Variants in NSMCE2 observed in about 807,000 individuals in gnomAD.
The protein encoded by NSMCE2 is E3 SUMO-protein ligase NSE2.
NSMCE2 carries 24 observed loss-of-function variants against 23.8 expected under a neutral mutation model. That is an observed-to-expected ratio of 1.01 (90% CI 0.73 to 1.42). The LOEUF (loss-of-function observed/expected upper bound fraction) is 1.42, where lower values mean the gene tolerates loss of function less well. NSMCE2 is among the 40% of genes most tolerant of loss of function. NSMCE2 has a pLI of 0.00. For missense variants in NSMCE2, 284 were observed against 296.5 expected (o/e 0.96, Z 0.31); for synonymous variants, 92 against 94.1 (o/e 0.98, Z 0.13).
intron 3 of NSMCE2, chr8:125,130,098 C>CTT: frequency 1.9e-5 from 6 of 315,056 alleles, no homozygotes; most frequent in South Asian, 5.2e-5. Context: ...GTTGGTTTCG[C>CTT]TTTTTTTTTT....
intron 3 of NSMCE2, among the ~76,000 whole-genome samples, chr8:125,115,298 C>T (rs1458515620): frequency 6.6e-6 from 1 of 152,160 alleles, no homozygotes; most frequent in Non-Finnish European, 1.5e-5. Flanking sequence ...GCATATCTGA[C>T]ATTGAAGCAA....
At chr8:125,111,476 A>G (rs1282771130) in intron 3 of NSMCE2, among the ~76,000 whole-genome samples, 6 of 152,210 alleles carry the variant, frequency 3.9e-5, no homozygotes, top group Admixed American at 2.6e-4. Context: ...TGAAAAAGGG[A>G]TAAGCATTTT....
intron 5 of NSMCE2, among the ~76,000 whole-genome samples, chr8:125,290,716 G>T (rs964132434): frequency 6.6e-6 from 1 of 152,148 alleles, no homozygotes; most frequent in African/African-American, 2.4e-5. Flanking sequence ...CACAAATATG[G>T]TTGCCATGGC....
At chr8:125,215,319 A>T (rs1824531215) in intron 5 of NSMCE2, among the ~76,000 whole-genome samples, 1 of 149,382 alleles carries the variant, frequency 6.7e-6, no homozygotes, top group African/African-American at 2.5e-5. Context: ...GCGATAGTTT[A>T]CTGAGAATGA....
intron 5 of NSMCE2, among the ~76,000 whole-genome samples, chr8:125,250,488 A>G (rs1826159598): frequency 6.6e-6 from 1 of 152,136 alleles, no homozygotes; most frequent in Admixed American, 6.5e-5. Context: ...CTGTTTCCTT[A>G]CTGTAAGTAA....
intron 4 of NSMCE2, among the ~76,000 whole-genome samples, chr8:125,175,448 TCA>T (rs1404871339): frequency 6.6e-6 from 1 of 152,230 alleles, no homozygotes; most frequent in East Asian, 1.9e-4. Context: ...AAACTGCTTA[TCA>T]CTAGTATGTG....
intron 5 of NSMCE2, among the ~76,000 whole-genome samples, chr8:125,194,492 T>C (rs2130838024): frequency 6.6e-6 from 1 of 152,312 alleles, no homozygotes; most frequent in African/African-American, 2.4e-5. Context: ...TTTATTCATT[T>C]ACCAGTTGAA....
intron 7 of NSMCE2, among the ~76,000 whole-genome samples, chr8:125,358,161 C>T (rs1230098550): frequency 6.6e-6 from 1 of 151,912 alleles, no homozygotes; most frequent in Admixed American, 6.6e-5. Context: ...GGTGAAACCC[C>T]ATCTCTACTA....
At chr8:125,241,854 A>T (rs996762096) in intron 5 of NSMCE2, among the ~76,000 whole-genome samples, 2 of 152,180 alleles carry the variant, frequency 1.3e-5, no homozygotes, top group Non-Finnish European at 2.9e-5. Context: ...ATTCTGTTAG[A>T]TATGGTGGGG....
chr8:125,313,022 GTGCAGCAAACCAC>G (rs1465750717), intron 5 of NSMCE2, among the ~76,000 whole-genome samples: 1 of 151,602 alleles, frequency 6.6e-6, no homozygotes, highest in Non-Finnish European at 1.5e-5. Context: ...GTCAGTAGGT[GTGCAGCAAACCAC>G]CATGGCACAT....
intron 5 of NSMCE2, among the ~76,000 whole-genome samples, chr8:125,188,049 CAT>C (rs918159720): frequency 6.6e-6 from 1 of 152,036 alleles, no homozygotes; most frequent in African/African-American, 2.4e-5. Flanking sequence ...CATATAGAGA[CAT>C]AGGAATTCAC....
Position 125,314,078 on chromosome 8 carries a change from G to A in NSMCE2, c.419-43141G>A, listed in dbSNP as rs541135204. ...TCAAATAGGATAGCAAACGTGCAGA[G>A]ATGTGAATTGAATGAATGTAGGAGA... On this transcript the variant is annotated intron_variant, in intron 5 of 7. Transcript: ENST00000287437. Among the ~76,000 whole-genome samples the A allele has an allele frequency of 3.9e-5, 6 of 152,316 alleles. No homozygotes were observed. The Middle Eastern group carries it at 0.01, about 259-fold the overall frequency.
intron 5 of NSMCE2, among the ~76,000 whole-genome samples, chr8:125,250,699 G>A (rs1323929676): frequency 6.6e-6 from 1 of 152,076 alleles, no homozygotes; most frequent in Non-Finnish European, 1.5e-5. Flanking sequence ...CACTCAAGCT[G>A]GAGTGCAGTG....
chr8:125,325,395 G>A (rs1829626403), intron 5 of NSMCE2, among the ~76,000 whole-genome samples: 1 of 152,246 alleles, frequency 6.6e-6, no homozygotes, highest in African/African-American at 2.4e-5. Flanking sequence ...CTGTCACCCA[G>A]GTTGGAGTGC....
chr8:125,201,649 A>T (rs57905807), intron 5 of NSMCE2, among the ~76,000 whole-genome samples: 1 of 152,192 alleles, frequency 6.6e-6, no homozygotes, highest in Non-Finnish European at 1.5e-5. Flanking sequence ...CACAGCGCTC[A>T]GGGACCCACT....
At chr8:125,211,321 T>A (rs1824331108) in intron 5 of NSMCE2, among the ~76,000 whole-genome samples, 1 of 152,230 alleles carries the variant, frequency 6.6e-6, no homozygotes, top group African/African-American at 2.4e-5. Flanking sequence ...GTGGAAATAG[T>A]CTCTGTGTTG....
At chr8:125,365,866 A>T (rs941711558) in intron 7 of NSMCE2, among the ~76,000 whole-genome samples, 4 of 152,076 alleles carry the variant, frequency 2.6e-5, no homozygotes, top group South Asian at 4.2e-4. Context: ...CAAAATAAAT[A>T]AATTAATTAA....
chr8:125,127,198 T>G (rs1167277272), intron 3 of NSMCE2: 2 of 152,238 alleles, frequency 1.3e-5, no homozygotes, highest in Admixed American at 1.3e-4. Context: ...GATTTACTTC[T>G]CAACTTGGTT....
At chr8:125,215,032 T>C (rs1824513736) in intron 5 of NSMCE2, among the ~76,000 whole-genome samples, 1 of 112,314 alleles carries the variant, frequency 8.9e-6, no homozygotes, top group South Asian at 2.8e-4. Context: ...TTTTATTTTA[T>C]TTTATTTTAT....
Sources: allele counts gnomAD v4.1 joint callset (sites outside exome capture counted in the v4.1 genomes callset), GRCh38; gene constraint gnomAD v4.1.1; transcripts MANE v1.5; gene names NCBI Gene and HGNC (gene_info 2026-07-23, HGNC 2026-07-21).